Variants in PCDH15 observed in about 807,000 individuals in gnomAD.
The protein encoded by PCDH15 is protocadherin-15.
Under a neutral mutation model 178.5 loss-of-function variants are expected in PCDH15, and 129 were observed. That is an observed-to-expected ratio of 0.72 (90% CI 0.63 to 0.84). The LOEUF is 0.84. Ranked by LOEUF, PCDH15 falls within the 40% of genes least tolerant of loss-of-function variation. The pLI, the probability that PCDH15 is intolerant of heterozygous loss-of-function variation, is 0.00. For missense variants in PCDH15, 2,230 were observed against 2,099.9 expected, an observed-to-expected ratio of 1.06 and a Z score of -1.21; for synonymous variants, 800 against 732.0, an observed-to-expected ratio of 1.09 and a Z score of -1.50.
chr10:53,853,387 A>C (rs1222771769), intron 28 of PCDH15, among the ~76,000 whole-genome samples: 4 of 152,090 alleles, frequency 2.6e-5, no homozygotes, highest in Non-Finnish European at 4.4e-5. Context: ...TGACACCAAT[A>C]GCACAGGAAA....
chr10:53,944,011 C>A (rs571236453), intron 23 of PCDH15, among the ~76,000 whole-genome samples: 1 of 152,112 alleles, frequency 6.6e-6, no homozygotes, highest in Admixed American at 6.5e-5. Flanking sequence ...GTCTTGAATA[C>A]AAATGATGGA....
At chr10:53,970,314 C>A (rs578047822) in intron 21 of PCDH15, among the ~76,000 whole-genome samples, 1 of 152,212 alleles carries the variant, frequency 6.6e-6, no homozygotes, top group South Asian at 2.1e-4. Context: ...AGCTAACTAT[C>A]CTAAATATAT....
At chr10:53,882,044 C>A (rs1412365187) in intron 26 of PCDH15, among the ~76,000 whole-genome samples, 1 of 145,258 alleles carries the variant, frequency 6.9e-6, no homozygotes, top group African/African-American at 2.6e-5. Flanking sequence ...GGCTAGAGTG[C>A]AATGGCACAA....
At chr10:55,381,925 T>C (rs1837542879) in intron 2 of PCDH15, among the ~76,000 whole-genome samples, 1 of 152,110 alleles carries the variant, frequency 6.6e-6, no homozygotes, top group South Asian at 2.1e-4. Context: ...GAAAGAAAAG[T>C]TGTCTGAGAA....
At chr10:55,236,274 G>A (rs16907151) in intron 1 of PCDH15, among the ~76,000 whole-genome samples, 9,302 of 151,854 alleles carry the variant, frequency 0.061, 353 homozygotes, top group Non-Finnish European at 0.09. Context: ...TAATTGTACT[G>A]GAAAATGCCT....
intron 2 of PCDH15, among the ~76,000 whole-genome samples, chr10:54,589,726 G>A (rs749911319): frequency 4.0e-5 from 6 of 151,666 alleles, no homozygotes; most frequent in African/African-American, 7.3e-5. Context: ...TCAGCCTCCC[G>A]AGTAGCTGGG....
chr10:54,409,505 A>G (rs1269644508), intron 3 of PCDH15, among the ~76,000 whole-genome samples: 1 of 152,108 alleles, frequency 6.6e-6, no homozygotes, highest in African/African-American at 2.4e-5. Flanking sequence ...CCCCAGGGAC[A>G]TATGATATTA....
At position 54,195,739 on chromosome 10, in the gene PCDH15, T is replaced by G. The variant is rs772643276; in HGVS notation, c.1249A>C (p.Ser417Arg). 6.2e-7 allele frequency: 1 copy of G among 1,614,108 alleles called. No individual in the cohort carries two copies. The highest frequency in any genetic ancestry group is 8.5e-7 in the Non-Finnish European group (1 of 1,179,984). ...SAPVGATISD[S>R]LNLTSPLRIV... ...CTTAAAGGTGAAGTCAAATTGAGAC[T>G]GTCCGAAATGGTTGCTCCCACTGGG... is the stretch of plus-strand genomic sequence containing the variant. The change falls in exon 11 of 38, where the codon AGT (serine) becomes CGT (arginine). Residue 417 changes from serine (S) to arginine (R), a missense_variant. Transcript: ENST00000644397.
intron 2 of PCDH15, among the ~76,000 whole-genome samples, chr10:54,562,862 A>T (rs2088407227): frequency 6.6e-6 from 1 of 152,130 alleles, no homozygotes; most frequent in Non-Finnish European, 1.5e-5. Context: ...CAGTTTAGTT[A>T]GGTCAATATT....
At chr10:54,631,907 C>G (rs141054606) in intron 2 of PCDH15, among the ~76,000 whole-genome samples, 252 of 152,102 alleles carry the variant, frequency 1.7e-3, no homozygotes, top group African/African-American at 5.3e-3. Context: ...TAGGGGAAAC[C>G]GCCCCCGTGA....
chr10:54,056,951 C>T (rs984966280), intron 18 of PCDH15, among the ~76,000 whole-genome samples: 2 of 152,110 alleles, frequency 1.3e-5, no homozygotes, highest in African/African-American at 2.4e-5. Flanking sequence ...GTCCAAAATC[C>T]AATGGGGAAG....
intron 26 of PCDH15, among the ~76,000 whole-genome samples, chr10:53,871,289 C>G (rs976546287): frequency 6.6e-6 from 1 of 152,002 alleles, no homozygotes; most frequent in African/African-American, 2.4e-5. Context: ...TGCAGTGAGC[C>G]AAGATCGCGC....
chr10:55,622,884 C>T (rs1440580747), intron 2 of PCDH15, among the ~76,000 whole-genome samples: 1 of 152,110 alleles, frequency 6.6e-6, no homozygotes, highest in Non-Finnish European at 1.5e-5. Flanking sequence ...TGGATTTGCT[C>T]TCTGTACCAC....
intron 1 of PCDH15, among the ~76,000 whole-genome samples, chr10:55,264,487 T>C (rs1007239692): frequency 7.2e-5 from 11 of 152,144 alleles, no homozygotes; most frequent in Non-Finnish European, 1.5e-4. Flanking sequence ...TCAGTACTTA[T>C]GGCCAGCACC....
At chr10:55,232,121 C>T (rs946605690) in intron 1 of PCDH15, among the ~76,000 whole-genome samples, 2 of 151,760 alleles carry the variant, frequency 1.3e-5, no homozygotes, top group Admixed American at 1.3e-4. Context: ...GTAACACTGT[C>T]AAAATTATAG....
chr10:55,322,833 G>A (rs368523254), upstream of PCDH15, among the ~76,000 whole-genome samples: 1 of 151,952 alleles, frequency 6.6e-6, no homozygotes, highest in Non-Finnish European at 1.5e-5. Context: ...GCAAGTTGCA[G>A]AAATTTGCAT....
intron 2 of PCDH15, among the ~76,000 whole-genome samples, chr10:55,566,671 A>G (rs1224610887): frequency 2.0e-5 from 3 of 151,830 alleles, no homozygotes; most frequent in Non-Finnish European, 4.4e-5. Flanking sequence ...AAATTAATAA[A>G]ATAATTTAAT....
chr10:55,287,850 C>T (rs1842909685), intron 1 of PCDH15, among the ~76,000 whole-genome samples: 1 of 151,864 alleles, frequency 6.6e-6, no homozygotes, highest in African/African-American at 2.4e-5. Context: ...ATCTTCCATT[C>T]CACTATTCTC....
chr10:55,118,255 G>A (rs575787103), intron 2 of PCDH15, among the ~76,000 whole-genome samples: 4 of 152,174 alleles, frequency 2.6e-5, no homozygotes, highest in Non-Finnish European at 5.9e-5. Context: ...AATACAAAAA[G>A]GTTAAATAAA....
Sources: gnomAD v4.1 joint callset for allele counts (sites outside exome capture counted in the v4.1 genomes callset) on GRCh38, gnomAD v4.1.1 for gene constraint, MANE v1.5 for transcripts, NCBI Gene and HGNC (gene_info 2026-07-23, HGNC 2026-07-21) for gene names.